LEF1: variants seen among roughly 807,000 people sequenced by gnomAD.
LEF1 encodes lymphoid enhancer-binding factor 1.
LEF1 carries 14 observed loss-of-function variants against 51.2 expected under a neutral mutation model. The observed-to-expected ratio is 0.27, with a 90% CI of 0.18 to 0.43. The LOEUF (loss-of-function observed/expected upper bound fraction) is 0.43. LEF1 is among the 20% of genes least tolerant of loss of function. The pLI, the probability that LEF1 is intolerant of heterozygous loss-of-function variation, is 1.00. For synonymous variants in LEF1, 185 were observed against 183.2 expected (o/e 1.01, Z -0.08); for missense variants, 386 against 512.0 (o/e 0.75, Z 2.37).
At chr4:108,065,799 T>C (rs995786029) in intron 9 of LEF1, among the ~76,000 whole-genome samples, 2 of 152,242 alleles carry the variant, frequency 1.3e-5, no homozygotes, top group African/African-American at 2.4e-5. Context: ...TTTAGTTATT[T>C]GAAAATACCT....
chr4:108,099,790 A>G (rs1489352823), intron 3 of LEF1, among the ~76,000 whole-genome samples: 2 of 151,500 alleles, frequency 1.3e-5, no homozygotes, highest in Non-Finnish European at 2.9e-5. Context: ...GACAACTAGT[A>G]CAGAACTATA....
chr4:108,092,155 T>C (rs1237238841), intron 3 of LEF1, among the ~76,000 whole-genome samples: 1 of 152,226 alleles, frequency 6.6e-6, no homozygotes, highest in Non-Finnish European at 1.5e-5. Flanking sequence ...CTCTTAATTT[T>C]ACGGTTTTCA....
At position 108,166,462 on chromosome 4, in the gene LEF1, G is replaced by A. The variant is rs1042754890; in HGVS notation, c.213+1093C>T. 5.0e-6 allele frequency: 7 copies of A among 1,392,128 alleles called. No individual in the cohort carries two copies. In the African/African-American group the frequency reaches 5.9e-5, roughly 12 times the overall value. 86.2% of individuals were successfully genotyped at this position (1,392,128 alleles called of 1,614,324 possible). A position where few individuals can be genotyped will look rare whatever the true frequency, so the allele number is the denominator to read the frequency against. On this transcript the variant is annotated intron_variant, in intron 1 of 11. Transcript: ENST00000265165. ...CGTTGGTTAAATCATTCGGGTGTCA[G>A]GACTTTTCTACCGGATTTCCTCCAG...
chr4:108,047,590 A>T lies in LEF1; in HGVS notation c.*1168T>A, dbSNP rs1323007717. On this transcript the variant is annotated 3_prime_UTR_variant, in exon 12 of 12. Transcript: ENST00000265165. ...GTTTTATTACAAAGCTTCTTTTAAAAAAATGCTCAGCACATTAACTCAAAC... is the reference window on the plus strand; with the variant it reads ...GTTTTATTACAAAGCTTCTTTTAAATAAATGCTCAGCACATTAACTCAAAC... The T allele has an allele frequency of 6.6e-6, 1 of 152,450 alleles. No homozygotes were observed. Among genetic ancestry groups the T allele is most frequent in the Non-Finnish European group, 1.5e-5 (1 of 68,054 alleles). The allele number at this position is 152,450 out of a possible 1,614,324, so 9.4% of individuals were successfully genotyped here. A position where few individuals can be genotyped will look rare whatever the true frequency, so the allele number is the denominator to read the frequency against.
intron 3 of LEF1, among the ~76,000 whole-genome samples, chr4:108,157,289 C>G (rs1353407136): frequency 6.6e-6 from 1 of 151,796 alleles, no homozygotes; most frequent in East Asian, 1.9e-4. Flanking sequence ...CAACCTCAGA[C>G]TCCTGGGTTC....
intron 11 of LEF1, among the ~76,000 whole-genome samples, chr4:108,059,017 TG>T (rs1476295094): frequency 6.6e-6 from 1 of 152,242 alleles, no homozygotes; most frequent in Non-Finnish European, 1.5e-5. Context: ...TCCTGCAGCT[TG>T]GGGACCACCA....
chr4:108,110,611 C>T (rs1184462063), intron 3 of LEF1, among the ~76,000 whole-genome samples: 2 of 152,124 alleles, frequency 1.3e-5, no homozygotes, highest in Admixed American at 1.3e-4. Context: ...CTGATCTGTG[C>T]CCCACCCCCT....
At chr4:108,105,363 T>G (rs541690463) in intron 3 of LEF1, among the ~76,000 whole-genome samples, 5 of 152,158 alleles carry the variant, frequency 3.3e-5, no homozygotes, top group Admixed American at 6.5e-5. Flanking sequence ...GTATTTTTAG[T>G]AGAGACGGAG....
At chr4:108,126,880 TG>T in intron 3 of LEF1, among the ~76,000 whole-genome samples, 1 of 150,744 alleles carries the variant, frequency 6.6e-6, no homozygotes, top group Middle Eastern at 3.2e-3. Context: ...TGTGTGTGTG[TG>T]TGTGTGTGTG....
At chr4:108,126,869 A>ATGTGTGTG (rs34301406) in intron 3 of LEF1, among the ~76,000 whole-genome samples, 4 of 146,454 alleles carry the variant, frequency 2.7e-5, no homozygotes, top group African/African-American at 1.0e-4. Flanking sequence ...ATTTACTGAT[A>ATGTGTGTG]TGTGTGTGTG....
intron 11 of LEF1, among the ~76,000 whole-genome samples, chr4:108,057,924 AGTGCAATG>A: frequency 6.7e-6 from 1 of 148,404 alleles, no homozygotes; most frequent in South Asian, 2.1e-4. Context: ...CCTGGGCTAG[AGTGCAATG>A]GTGCTATCTC....
At chr4:108,157,704 G>A (rs569407336) in intron 3 of LEF1, among the ~76,000 whole-genome samples, 48 of 152,154 alleles carry the variant, frequency 3.2e-4, no homozygotes, top group Non-Finnish European at 6.2e-4. Context: ...ATGGAAAAAT[G>A]GGGTTGGCAA....
intron 3 of LEF1, among the ~76,000 whole-genome samples, chr4:108,092,463 T>G (rs948706828): frequency 1.3e-5 from 2 of 152,156 alleles, no homozygotes; most frequent in African/African-American, 4.8e-5. Flanking sequence ...CACATCATCA[T>G]CACAGTCAAG....
At chr4:108,162,111 G>A (rs1199433596) in intron 3 of LEF1, among the ~76,000 whole-genome samples, 2 of 152,054 alleles carry the variant, frequency 1.3e-5, no homozygotes, top group African/African-American at 4.8e-5. Context: ...TACTTTTTAA[G>A]TAGGAGATTC....
At chr4:108,103,305 T>C (rs1740943116) in intron 3 of LEF1, among the ~76,000 whole-genome samples, 1 of 152,354 alleles carries the variant, frequency 6.6e-6, no homozygotes, top group African/African-American at 2.4e-5. Context: ...CAGTATATTA[T>C]TCACAAGCCT....
At chr4:108,133,933 CT>C (rs1743065433) in intron 3 of LEF1, among the ~76,000 whole-genome samples, 1 of 152,160 alleles carries the variant, frequency 6.6e-6, no homozygotes, top group Non-Finnish European at 1.5e-5. Context: ...CCCCTAATCT[CT>C]TATCTGAAAT....
Position 108,089,205 on chromosome 4 carries a change from G to T in LEF1, c.467C>A (p.Pro156His), listed in dbSNP as rs1390221574. The change falls in exon 4 of 12, where the codon CCC (proline) becomes CAC (histidine). Residue 156 changes from proline to histidine, a missense_variant. Physicochemically the swap from Pro to His is moderately conservative, Grantham distance 77. Coordinates refer to ENST00000265165, the MANE Select transcript of LEF1 (RefSeq NM_016269.5). ...QPSHAVHPLT[P>H]LITYSDEHFS... ...GTGCTCGTCACTGTAAGTGATGAGG[G>T]GGGTGAGAGGATGGACCGCATGGGA... is the stretch of plus-strand genomic sequence containing the variant. 17 of 1,614,072 alleles carry T rather than the reference G, an allele frequency of 1.1e-5. No individual in the cohort carries two copies. Among genetic ancestry groups the T allele is most frequent in the Non-Finnish European group, 1.4e-5 (17 of 1,179,964 alleles).
intron 3 of LEF1, among the ~76,000 whole-genome samples, chr4:108,090,606 G>C (rs1739958902): frequency 6.6e-6 from 1 of 151,994 alleles, no homozygotes; most frequent in Non-Finnish European, 1.5e-5. Context: ...TAGAAATTTT[G>C]TGGTATATGT....
At chr4:108,075,939 A>T (rs1738825605) in intron 8 of LEF1, among the ~76,000 whole-genome samples, 1 of 152,244 alleles carries the variant, frequency 6.6e-6, no homozygotes, top group African/African-American at 2.4e-5. Flanking sequence ...GTAAAGCCTC[A>T]TGGTAGAACA....
Sources: gnomAD v4.1 joint callset for allele counts (sites outside exome capture counted in the v4.1 genomes callset) on GRCh38, gnomAD v4.1.1 for gene constraint, MANE v1.5 for transcripts, NCBI Gene and HGNC (gene_info 2026-07-23, HGNC 2026-07-21) for gene names.